Variants in NRXN1 observed in about 807,000 individuals in gnomAD.
NRXN1 encodes the protein neurexin-1.
In NRXN1, 39 loss-of-function variants were observed where a neutral mutation model predicts 150.9. The ratio of observed to expected loss-of-function variants is 0.26; its 90% CI spans 0.20 to 0.34. NRXN1 has a LOEUF of 0.34. Among genes scored for constraint, NRXN1 ranks in the 10% least tolerant of loss-of-function variants. NRXN1 has a pLI of 1.00. For synonymous variants in NRXN1, 924 were observed against 757.0 expected (o/e 1.22, Z -3.62); for missense variants, 1,815 against 1,949.9 (o/e 0.93, Z 1.30).
intron 18 of NRXN1, among the ~76,000 whole-genome samples, chr2:50,131,558 T>A (rs779260738): frequency 6.6e-5 from 10 of 152,188 alleles, no homozygotes; most frequent in Admixed American, 2.0e-4. Flanking sequence ...GTGCACAGAA[T>A]TGACACTAAG....
chr2:50,872,606 A>C (rs1019078321), intron 5 of NRXN1, among the ~76,000 whole-genome samples: 17 of 151,634 alleles, frequency 1.1e-4, no homozygotes, highest in African/African-American at 4.1e-4. Context: ...GAAAATAAGA[A>C]TAAAATAAAA....
chr2:50,797,241 A>G (rs1706961356), intron 5 of NRXN1, among the ~76,000 whole-genome samples: 1 of 152,162 alleles, frequency 6.6e-6, no homozygotes, highest in Non-Finnish European at 1.5e-5. Context: ...CTGAGGCTAC[A>G]GACTTTTTTC....
intron 18 of NRXN1, among the ~76,000 whole-genome samples, chr2:50,172,223 T>C (rs1453919281): frequency 6.6e-6 from 1 of 152,184 alleles, no homozygotes; most frequent in African/African-American, 2.4e-5. Flanking sequence ...CTTGACTAAT[T>C]TGTAAATATT....
intron 8 of NRXN1, among the ~76,000 whole-genome samples, chr2:50,600,826 T>C (rs1465064669): frequency 6.6e-6 from 1 of 152,140 alleles, no homozygotes; most frequent in Non-Finnish European, 1.5e-5. Flanking sequence ...GCTGGTAGAA[T>C]CCTAAGATCA....
intron 8 of NRXN1, among the ~76,000 whole-genome samples, chr2:50,606,508 T>C (rs1472177415): frequency 2.0e-5 from 3 of 151,608 alleles, no homozygotes; most frequent in African/African-American, 7.3e-5. Flanking sequence ...GAATAAATTC[T>C]AGAGATCTGC....
At chr2:50,715,387 G>A (rs1695736525) in intron 5 of NRXN1, among the ~76,000 whole-genome samples, 2 of 152,052 alleles carry the variant, frequency 1.3e-5, no homozygotes, top group Admixed American at 6.6e-5. Flanking sequence ...AGTTTCTATT[G>A]CCTGTGATTG....
At chr2:50,402,284 T>A (rs1050001708) in intron 17 of NRXN1, among the ~76,000 whole-genome samples, 7 of 149,090 alleles carry the variant, frequency 4.7e-5, no homozygotes, top group African/African-American at 1.7e-4. Context: ...AGAGAAATCA[T>A]TTTTTTGTTG....
At chr2:50,664,715 T>C (rs1687781777) in intron 5 of NRXN1, among the ~76,000 whole-genome samples, 1 of 151,386 alleles carries the variant, frequency 6.6e-6, no homozygotes, top group Non-Finnish European at 1.5e-5. Context: ...CATACTTTGA[T>C]ATTCACTCTG....
intron 5 of NRXN1, chr2:50,912,779 A>AG (rs1260779858): frequency 1.9e-5 from 2 of 103,328 alleles, no homozygotes; most frequent in African/African-American, 8.7e-5. Flanking sequence ...TTAAACAAAA[A>AG]AAAAAAAGAA....
intron 17 of NRXN1, among the ~76,000 whole-genome samples, chr2:50,297,647 C>A (rs1267650580): frequency 1.3e-5 from 2 of 152,102 alleles, no homozygotes; most frequent in Non-Finnish European, 2.9e-5. Context: ...TGTAAAGACT[C>A]AAGAGAAACA....
Position 50,640,258 on chromosome 2 carries a change from C to T in NRXN1, c.833-16643G>A, listed in dbSNP as rs777826372. ...TTCTAATATGTGGAAATGGTAAAAA[C>T]GCAGAGTTTAGAGAGATATGACCTA... is the stretch of plus-strand genomic sequence containing the variant. On this transcript the variant is annotated intron_variant, in intron 5 of 22. Coordinates refer to ENST00000401669, the MANE Select transcript of NRXN1 (RefSeq NM_001330078.2). Among the ~76,000 whole-genome samples, 48 of 152,142 alleles carry T rather than the reference C, an allele frequency of 3.2e-4. 1 individual carries two copies. The highest frequency in any genetic ancestry group is 1.2e-3 in the South Asian group (6 of 4,820).
chr2:50,675,000 C>G (rs1021738575), intron 5 of NRXN1, among the ~76,000 whole-genome samples: 1 of 151,700 alleles, frequency 6.6e-6, no homozygotes, highest in African/African-American at 2.4e-5. Flanking sequence ...TCAGAAATGG[C>G]TTGGTGTTGT....
intron 17 of NRXN1, among the ~76,000 whole-genome samples, chr2:50,382,470 T>C (rs906329380): frequency 1.4e-4 from 22 of 152,162 alleles, no homozygotes; most frequent in Admixed American, 1.4e-3. Flanking sequence ...CACCAGTGGA[T>C]ACTAGAAAAA....
At chr2:50,286,979 G>T (rs2072265911) in intron 17 of NRXN1, among the ~76,000 whole-genome samples, 1 of 152,056 alleles carries the variant, frequency 6.6e-6, no homozygotes, top group South Asian at 2.1e-4. Flanking sequence ...GCATTTAAGT[G>T]TAAATTATTG....
chr2:50,196,893 A>C lies in NRXN1; in HGVS notation c.3546+39896T>G, dbSNP rs556894961. 7.2e-5 allele frequency among the ~76,000 whole-genome samples: 11 copies of C among 152,164 alleles called. No individual in the cohort carries two copies. In the South Asian group the frequency reaches 1.5e-3, roughly 20 times the overall value. ...GAACACAAAGAAGGAAACAACAGACACTGAGATCTATTTGAGGGTGGAGGG... is the reference window on the plus strand; with the variant it reads ...GAACACAAAGAAGGAAACAACAGACCCTGAGATCTATTTGAGGGTGGAGGG... On this transcript the variant is annotated intron_variant, in intron 18 of 22. Coordinates refer to ENST00000401669, the MANE Select transcript of NRXN1 (RefSeq NM_001330078.2).
chr2:50,646,010 G>A (rs1027824807), intron 5 of NRXN1, among the ~76,000 whole-genome samples: 1 of 151,904 alleles, frequency 6.6e-6, no homozygotes, highest in Non-Finnish European at 1.5e-5. Flanking sequence ...TCCCTAGAAA[G>A]GGATGGTTTG....
chr2:50,194,582 T>A (rs1368989496), intron 18 of NRXN1, among the ~76,000 whole-genome samples: 3 of 152,126 alleles, frequency 2.0e-5, no homozygotes, highest in Non-Finnish European at 4.4e-5. Context: ...GATGTGACAG[T>A]TCCCTTTGAA....
intron 2 of NRXN1, among the ~76,000 whole-genome samples, chr2:50,994,316 T>A (rs1031277530): frequency 6.6e-6 from 1 of 151,942 alleles, no homozygotes; most frequent in Admixed American, 6.6e-5. Context: ...CCATTATATC[T>A]CACCTTGCAT....
intron 17 of NRXN1, among the ~76,000 whole-genome samples, chr2:50,354,137 C>T (rs1454096330): frequency 3.9e-5 from 6 of 152,086 alleles, no homozygotes; most frequent in Admixed American, 6.6e-5. Context: ...AGTGCTGTTC[C>T]CAGTTCTCTT....
Sources: gnomAD v4.1 joint callset for allele counts (sites outside exome capture counted in the v4.1 genomes callset) on GRCh38, gnomAD v4.1.1 for gene constraint, MANE v1.5 for transcripts, NCBI Gene and HGNC (gene_info 2026-07-23, HGNC 2026-07-21) for gene names.